KIF9: variants seen among roughly 807,000 people sequenced by gnomAD.
KIF9 encodes the protein kinesin-like protein KIF9.
Under a neutral mutation model 94.8 loss-of-function variants are expected in KIF9, and 68 were observed. The ratio of observed to expected loss-of-function variants is 0.72; its 90% CI spans 0.59 to 0.88. The LOEUF is 0.88. Among genes scored for constraint, KIF9 ranks in the 40% least tolerant of loss-of-function variants. The pLI, the probability that KIF9 is intolerant of heterozygous loss-of-function variation, is 0.00. For synonymous variants in KIF9, 343 were observed against 362.1 expected (o/e 0.95, Z 0.60); for missense variants, 882 against 982.5 (o/e 0.90, Z 1.37).
At chr3:47,236,274 A>C in intron 18 of KIF9, 125 bp from the exon 19 acceptor site, 5 of 985,418 alleles carry the variant, frequency 5.1e-6, no homozygotes, top group Non-Finnish European at 6.2e-6. Context: ...CCCTGTCCCC[A>C]TCTCCATCTC....
chr3:47,228,727 A>G, intron 20 of KIF9, 25 bp from the exon 21 acceptor site: 1 of 1,606,774 alleles, frequency 6.2e-7, no homozygotes, highest in Non-Finnish European at 8.5e-7. Flanking sequence ...AAGAGAAAAC[A>G]GGAACTTATT....
At chr3:47,252,874 G>T (rs1260796959) in intron 10 of KIF9, among the ~76,000 whole-genome samples, 2 of 152,072 alleles carry the variant, frequency 1.3e-5, no homozygotes, top group East Asian at 3.9e-4. Context: ...TTAGCTGGGG[G>T]TGGTGGCAGG....
At chr3:47,236,667 A>C (rs1699051354) in intron 17 of KIF9, 48 bp from the exon 18 acceptor site, 1 of 1,563,496 alleles carries the variant, frequency 6.4e-7, no homozygotes, top group Admixed American at 1.7e-5. Context: ...GTCCACCTGA[A>C]ATTGGGGGAG....
intron 5 of KIF9, among the ~76,000 whole-genome samples, chr3:47,267,531 G>A (rs1701363828): frequency 6.6e-6 from 1 of 152,216 alleles, no homozygotes; most frequent in South Asian, 2.1e-4. Context: ...CCTTAAAAAT[G>A]TTTATGAATA....
Position 47,247,487 on chromosome 3 carries a change from G to T in KIF9, c.1129-10C>A, listed in dbSNP as rs749072536. Reference sequence around the variant, plus strand: ...CAAAGGTGCGGTTGGTCTTGAAGGAGGATGAAGAACATGTGGATAAGCAAC... The same window carrying T: ...CAAAGGTGCGGTTGGTCTTGAAGGATGATGAAGAACATGTGGATAAGCAAC... On this transcript the variant is annotated splice_polypyrimidine_tract_variant and intron_variant, in intron 11 of 20. Transcript: ENST00000684063. 6 of 1,599,474 alleles carry T rather than the reference G, an allele frequency of 3.8e-6. No individual in the cohort carries two copies. Among genetic ancestry groups the T allele is most frequent in the Non-Finnish European group, 5.1e-6 (6 of 1,167,040 alleles).
chr3:47,235,968 A>G (rs1874264), intron 19 of KIF9, 66 bp downstream of exon 19: 1,194,469 of 1,206,144 alleles, frequency 0.99, 592,148 homozygotes, highest in East Asian at 1. Context: ...GAGAACAGAC[A>G]TCAAGGGGCA....
In KIF9 at chr3:47,265,827, T is replaced by C. The variant is rs904738660; in HGVS notation, c.819A>G (p.Ser273=). 1 of 1,614,008 alleles carries C rather than the reference T, an allele frequency of 6.2e-7. No individual in the cohort carries two copies. The highest frequency in any genetic ancestry group is 1.3e-5 in the African/African-American group (1 of 74,908). The change falls in exon 8 of 21, where the codon TCA becomes TCG. Residue 273 remains serine, a synonymous_variant. Coordinates refer to ENST00000684063, the MANE Select transcript of KIF9 (RefSeq NM_182902.4). ...KEATYINKSL[S]FLEQAIIALG... is the part of the protein sequence containing the mutation. ...GGGCAATGATGGCCTGCTCCAGGAATGAGAGCGATTTGTTGATGTAGGTGG... is the reference window on the plus strand; with the variant it reads ...GGGCAATGATGGCCTGCTCCAGGAACGAGAGCGATTTGTTGATGTAGGTGG...
chr3:47,272,837 T>C (rs1701731455), intron 4 of KIF9, among the ~76,000 whole-genome samples: 1 of 152,210 alleles, frequency 6.6e-6, no homozygotes, highest in South Asian at 2.1e-4. Context: ...TTAAGGGTAT[T>C]GCTCCAAAAA....
intron 1 of KIF9, among the ~76,000 whole-genome samples, chr3:47,280,775 A>T (rs923133583): frequency 6.6e-6 from 1 of 152,156 alleles, no homozygotes; most frequent in Non-Finnish European, 1.5e-5. Context: ...ATGCACACGC[A>T]GTCACCCCAT....
chr3:47,273,589 T>C lies in KIF9; in HGVS notation c.329A>G (p.Tyr110Cys). 6.2e-7 allele frequency: 1 copy of C among 1,613,084 alleles called. No homozygotes were observed. Among genetic ancestry groups the C allele is most frequent in the Non-Finnish European group, 8.5e-7 (1 of 1,179,406 alleles). The change falls in exon 4 of 21, where the codon TAC (tyrosine) becomes TGC (cysteine). Residue 110 changes from tyrosine to cysteine, a missense_variant. Transcript: ENST00000684063. ...ACGAGGGAGGATCCCCCGGTGCTTG[T>C]AATTCTCAGTTGCCCCCATCATGGT... Reference protein sequence around the residue: ...TYTMMGATENYKHRGILPRAL... With the variant: ...TYTMMGATENCKHRGILPRAL...
chr3:47,263,907 GT>G, intron 9 of KIF9: 1 of 460,082 alleles, frequency 2.2e-6, no homozygotes, highest in Non-Finnish European at 4.4e-6. Flanking sequence ...ACCCTGTGGG[GT>G]TTTCAAGATG....
At chr3:47,264,447 G>GT (rs1559456620) in intron 8 of KIF9, 97 bp from the exon 9 acceptor site, 10 of 798,168 alleles carry the variant, frequency 1.3e-5, no homozygotes, top group East Asian at 2.8e-5. Context: ...CTTTTTATTT[G>GT]TTTTTTTGAA....
At chr3:47,271,139 G>A (rs1349794476) in intron 5 of KIF9, 98 bp downstream of exon 5, 30 of 877,994 alleles carry the variant, frequency 3.4e-5, no homozygotes, top group Non-Finnish European at 2.5e-5. Flanking sequence ...CCAAGATCCT[G>A]TCTCAAAAAA....
intron 9 of KIF9, chr3:47,263,998 C>G (rs1701137429): frequency 1.1e-5 from 6 of 528,182 alleles, no homozygotes; most frequent in South Asian, 9.2e-5. Context: ...CCCCAGGAAA[C>G]ATGGTCCTTG....
chr3:47,241,098 G>C, intron 16 of KIF9, 83 bp from the exon 17 acceptor site: 1 of 1,252,930 alleles, frequency 8.0e-7, no homozygotes, highest in Middle Eastern at 1.9e-4. Context: ...TCTTCCCTGG[G>C]ACTTCTGTGG....
rs1387311165 is a variant in KIF9, at chr3:47,241,884, A to ATAT, written c.1710-870_1710-869insATA. On this transcript the variant is annotated intron_variant, in intron 16 of 20. Transcript: ENST00000684063. Reference sequence around the variant, plus strand: ...TATACACATATATATATATATATATATTTTTTTTTTTTTTTCTTTGGAGAC... The same window carrying ATAT: ...TATACACATATATATATATATATATATATTTTTTTTTTTTTTTTCTTTGGAGAC... Among the ~76,000 whole-genome samples the ATAT allele has an allele frequency of 1.5e-3, 177 of 114,288 alleles. 2 individuals are homozygous for ATAT. The highest frequency in any genetic ancestry group is 6.2e-3 in the African/African-American group (173 of 27,964). The allele number at this position is 114,288 out of a possible 152,430, so 75.0% of individuals were successfully genotyped here.
In KIF9 at chr3:47,244,858, C is replaced by T. The variant is rs1196361851; in HGVS notation, c.1447G>A (p.Val483Ile). ...EPEGQNFGLG[V>I]APFSTKPGKK... ...CCAGGTTTGGTAGAGAAAGGGGCGACTCCGAGTCCAAAGTTTTGTCCTTCA... is the reference window on the plus strand; with the variant it reads ...CCAGGTTTGGTAGAGAAAGGGGCGATTCCGAGTCCAAAGTTTTGTCCTTCA... The change falls in exon 15 of 21, where the codon GTC becomes ATC. Residue 483 changes from valine to isoleucine, a missense_variant. Coordinates refer to ENST00000684063, the MANE Select transcript of KIF9 (RefSeq NM_182902.4). 13 of 1,614,092 alleles carry T rather than the reference C, an allele frequency of 8.1e-6. No homozygotes were observed. The Admixed American group carries it at 8.3e-5, about 10-fold the overall frequency.
intron 1 of KIF9, among the ~76,000 whole-genome samples, chr3:47,279,554 AC>A (rs1702191795): frequency 6.6e-6 from 1 of 151,946 alleles, no homozygotes; most frequent in Non-Finnish European, 1.5e-5. Flanking sequence ...AACAGGGACT[AC>A]TTTTAATTAG....
At chr3:47,247,796 G>A (rs780593326) in intron 11 of KIF9, among the ~76,000 whole-genome samples, 3 of 152,130 alleles carry the variant, frequency 2.0e-5, no homozygotes, top group African/African-American at 4.8e-5. Flanking sequence ...GGAGGCATGC[G>A]CTGCCTCTGC....
Sources: allele counts gnomAD v4.1 joint callset (sites outside exome capture counted in the v4.1 genomes callset), GRCh38; gene constraint gnomAD v4.1.1; transcripts MANE v1.5; gene names NCBI Gene and HGNC (gene_info 2026-07-23, HGNC 2026-07-21).